MAD1L1: variants seen among roughly 807,000 people sequenced by gnomAD.
MAD1L1 encodes the protein mitotic spindle assembly checkpoint protein MAD1.
MAD1L1 carries 95 observed loss-of-function variants against 96.9 expected under a neutral mutation model. The ratio of observed to expected loss-of-function variants is 0.98; its 90% CI spans 0.83 to 1.16. The LOEUF (loss-of-function observed/expected upper bound fraction) is 1.16. MAD1L1 is among the 50% of genes most tolerant of loss of function. The pLI is 0.00. For synonymous variants in MAD1L1, 473 were observed against 396.6 expected (o/e 1.19, Z -2.29); for missense variants, 1,007 against 954.4 (o/e 1.06, Z -0.73).
intron 12 of MAD1L1, among the ~76,000 whole-genome samples, chr7:2,029,186 T>C (rs1192613136): frequency 6.6e-6 from 1 of 152,260 alleles, no homozygotes; most frequent in Admixed American, 6.5e-5. Context: ...TCTCCCATTC[T>C]GTAGTGTTAG....
intron 11 of MAD1L1, among the ~76,000 whole-genome samples, chr7:2,132,059 A>G (rs1788535101): frequency 6.6e-6 from 1 of 152,194 alleles, no homozygotes; most frequent in African/African-American, 2.4e-5. Flanking sequence ...AGGCTGACTC[A>G]GGAGGAAGCT....
intron 9 of MAD1L1, among the ~76,000 whole-genome samples, chr7:2,215,160 C>T (rs535633446): frequency 1.1e-4 from 16 of 152,230 alleles, no homozygotes; most frequent in African/African-American, 3.6e-4. Flanking sequence ...GGGTGGATCA[C>T]GAGTTCCAAG....
At chr7:2,112,435 C>T (rs1309525068) in intron 11 of MAD1L1, among the ~76,000 whole-genome samples, 1 of 152,230 alleles carries the variant, frequency 6.6e-6, no homozygotes, top group Non-Finnish European at 1.5e-5. Flanking sequence ...GCTGAGAAAA[C>T]GCCACTTCCA....
At chr7:1,864,759 G>A (rs1439800604) in intron 18 of MAD1L1, among the ~76,000 whole-genome samples, 1 of 152,128 alleles carries the variant, frequency 6.6e-6, no homozygotes, top group African/African-American at 2.4e-5. Flanking sequence ...CTGGGGTGAG[G>A]GGGTTCCCAC....
intron 10 of MAD1L1, among the ~76,000 whole-genome samples, chr7:2,202,655 G>A (rs1288500948): frequency 3.9e-5 from 6 of 152,240 alleles, no homozygotes; most frequent in East Asian, 3.9e-4. Context: ...AAACCAAACC[G>A]GCGCCAATTA....
chr7:1,986,048 C>A (rs1006194831), intron 14 of MAD1L1, among the ~76,000 whole-genome samples: 3 of 152,172 alleles, frequency 2.0e-5, no homozygotes, highest in Non-Finnish European at 2.9e-5. Context: ...CATGGAGTAA[C>A]CTTTACTGCT....
intron 17 of MAD1L1, among the ~76,000 whole-genome samples, chr7:1,920,912 C>T (rs1197747496): frequency 2.0e-5 from 3 of 152,226 alleles, no homozygotes; most frequent in African/African-American, 7.2e-5. Flanking sequence ...ACGGGACATC[C>T]GGTCCAGACA....
chr7:1,949,031 G>A (rs73035914), intron 16 of MAD1L1, among the ~76,000 whole-genome samples: 5,165 of 152,324 alleles, frequency 0.034, 188 homozygotes, highest in Admixed American at 0.097. Context: ...GCCCCAGGAC[G>A]CCATGTGGGG....
chr7:2,021,825 A>T (rs1332860793), intron 12 of MAD1L1, among the ~76,000 whole-genome samples: 1 of 152,132 alleles, frequency 6.6e-6, no homozygotes, highest in Non-Finnish European at 1.5e-5. Flanking sequence ...GAGATTGGTC[A>T]TTGGCAGCCC....
chr7:2,012,787 A>C (rs1042181346), intron 13 of MAD1L1, among the ~76,000 whole-genome samples: 3 of 152,132 alleles, frequency 2.0e-5, no homozygotes, highest in African/African-American at 4.8e-5. Flanking sequence ...AGGGGTAGCG[A>C]GTGCATGTGG....
intron 11 of MAD1L1, chr7:2,079,724 C>T (rs1785542770): frequency 6.4e-6 from 3 of 470,902 alleles, no homozygotes; most frequent in African/African-American, 6.0e-5. Flanking sequence ...AGGGCTCCTC[C>T]AAATGCTGGG....
intron 13 of MAD1L1, among the ~76,000 whole-genome samples, chr7:2,002,838 A>T (rs1781858757): frequency 6.6e-6 from 1 of 152,184 alleles, no homozygotes; most frequent in African/African-American, 2.4e-5. Context: ...TGCACGGTGC[A>T]TGGGGCTCAG....
chr7:2,014,239 A>C (rs1382977415), intron 13 of MAD1L1, among the ~76,000 whole-genome samples: 2 of 152,156 alleles, frequency 1.3e-5, no homozygotes, highest in Non-Finnish European at 2.9e-5. Context: ...TCAAAGGGGC[A>C]CTGTCCCTCT....
At chr7:2,065,533 A>G (rs903718753) in intron 12 of MAD1L1, among the ~76,000 whole-genome samples, 3 of 152,186 alleles carry the variant, frequency 2.0e-5, no homozygotes, top group Non-Finnish European at 2.9e-5. Flanking sequence ...TGTCGTCACC[A>G]ACCCCAGCTT....
At chr7:2,227,171 CT>C (rs1314406734) in intron 3 of MAD1L1, among the ~76,000 whole-genome samples, 1 of 151,710 alleles carries the variant, frequency 6.6e-6, no homozygotes, top group African/African-American at 2.4e-5. Flanking sequence ...GGTAACGCAC[CT>C]GTAATCTCAG....
At chr7:2,024,417 T>G (rs1782912196) in intron 12 of MAD1L1, among the ~76,000 whole-genome samples, 1 of 152,242 alleles carries the variant, frequency 6.6e-6, no homozygotes, top group South Asian at 2.1e-4. Flanking sequence ...GCCAGGCAGC[T>G]GCATACTTCC....
intron 18 of MAD1L1, among the ~76,000 whole-genome samples, chr7:1,888,681 T>C (rs1204208360): frequency 6.6e-6 from 1 of 151,542 alleles, no homozygotes; most frequent in African/African-American, 2.4e-5. Flanking sequence ...TGTCTGTGCA[T>C]GTGTCCATGC....
intron 11 of MAD1L1, among the ~76,000 whole-genome samples, chr7:2,128,219 A>G (rs57920384): frequency 0.014 from 2,086 of 152,290 alleles, 41 homozygotes; most frequent in African/African-American, 0.048. Flanking sequence ...CTCTGGTCCC[A>G]GACTAATTAT....
intron 11 of MAD1L1, among the ~76,000 whole-genome samples, chr7:2,081,530 C>A (rs765358971): frequency 6.6e-6 from 1 of 152,314 alleles, no homozygotes; most frequent in Middle Eastern, 3.4e-3. Context: ...CGCATCGGGC[C>A]GGAACCCACC....
Sources: allele counts gnomAD v4.1 joint callset (sites outside exome capture counted in the v4.1 genomes callset), GRCh38; gene constraint gnomAD v4.1.1; transcripts MANE v1.5; gene names NCBI Gene and HGNC (gene_info 2026-07-23, HGNC 2026-07-21).